Variants in MKLN1 observed in about 807,000 individuals in gnomAD.
MKLN1 encodes muskelin 1, also known as muskelin.
Under a neutral mutation model 99.0 loss-of-function variants are expected in MKLN1, and 18 were observed. The observed-to-expected ratio is 0.18, with a 90% CI of 0.13 to 0.27. The LOEUF (loss-of-function observed/expected upper bound fraction) is 0.27, where lower values mean the gene tolerates loss of function less well. Among genes scored for constraint, MKLN1 ranks in the 10% least tolerant of loss-of-function variants. The pLI is 1.00. For synonymous variants in MKLN1, 288 were observed against 293.2 expected, an observed-to-expected ratio of 0.98 and a Z score of 0.18; for missense variants, 621 against 875.9, an observed-to-expected ratio of 0.71 and a Z score of 3.67.
chr7:131,241,326 C>T (rs777606140), intron 3 of MKLN1, among the ~76,000 whole-genome samples: 3 of 149,632 alleles, frequency 2.0e-5, no homozygotes, highest in African/African-American at 7.4e-5. Flanking sequence ...TGCAGTGAGC[C>T]GAGATTGCAC....
At chr7:131,147,339 T>A (rs1040379348) in intron 2 of MKLN1, among the ~76,000 whole-genome samples, 4 of 151,902 alleles carry the variant, frequency 2.6e-5, no homozygotes, top group African/African-American at 9.7e-5. Flanking sequence ...ATTATAGGTG[T>A]GAGCCACTGC....
At chr7:131,212,383 A>G (rs1347791978) in intron 3 of MKLN1, among the ~76,000 whole-genome samples, 1 of 152,134 alleles carries the variant, frequency 6.6e-6, no homozygotes, top group Non-Finnish European at 1.5e-5. Flanking sequence ...TCCCTGGGAG[A>G]GGGTGTTTAC....
chr7:131,390,270 T>C (rs1305395329), intron 4 of MKLN1, among the ~76,000 whole-genome samples: 1 of 152,214 alleles, frequency 6.6e-6, no homozygotes, highest in East Asian at 1.9e-4. Context: ...CTATATTCTG[T>C]TTTCTTATAA....
intron 2 of MKLN1, among the ~76,000 whole-genome samples, chr7:131,152,132 G>A (rs1227696858): frequency 2.0e-5 from 3 of 152,132 alleles, no homozygotes; most frequent in Admixed American, 6.6e-5. Context: ...AGCCCAGCCT[G>A]GTCTACATAG....
At chr7:131,278,114 C>T (rs1798000538) in intron 3 of MKLN1, among the ~76,000 whole-genome samples, 1 of 152,062 alleles carries the variant, frequency 6.6e-6, no homozygotes, top group South Asian at 2.1e-4. Context: ...GTGATCTCAG[C>T]TCACTGCAAC....
At chr7:131,208,633 T>A (rs1271280870) in intron 3 of MKLN1, among the ~76,000 whole-genome samples, 1 of 152,130 alleles carries the variant, frequency 6.6e-6, no homozygotes, top group Non-Finnish European at 1.5e-5. Context: ...ACTGGTAATA[T>A]GTTACAGATA....
intron 3 of MKLN1, among the ~76,000 whole-genome samples, chr7:131,281,900 C>T (rs1158122738): frequency 6.6e-6 from 1 of 152,070 alleles, no homozygotes; most frequent in African/African-American, 2.4e-5. Context: ...CCTTGAACTC[C>T]TGGCCTCAAG....
At chr7:131,412,860 T>G (rs1412511398) in intron 7 of MKLN1, among the ~76,000 whole-genome samples, 2 of 152,228 alleles carry the variant, frequency 1.3e-5, no homozygotes, top group Non-Finnish European at 2.9e-5. Context: ...TTTCTCCTGA[T>G]AGTATTGCAT....
intron 1 of MKLN1, among the ~76,000 whole-genome samples, chr7:131,366,187 T>G (rs1337713215): frequency 6.6e-6 from 1 of 152,164 alleles, no homozygotes; most frequent in Non-Finnish European, 1.5e-5. Context: ...ATCTAACCAA[T>G]TAGTGACCAA....
chr7:131,406,853 C>A lies in MKLN1; in HGVS notation c.704-4453C>A, dbSNP rs118189673. Among the ~76,000 whole-genome samples the A allele has an allele frequency of 6.6e-3, 1,011 of 152,170 alleles. 4 individuals are homozygous for A. Among genetic ancestry groups the A allele is most frequent in the Middle Eastern group, 0.01 (3 of 294 alleles). ...TTGAGAGGTGTGCTATCATTTTCAA[C>A]TGCCATTTTTTAATATAATCTTTTT... On this transcript the variant is annotated intron_variant, in intron 6 of 17. Coordinates refer to ENST00000352689, the MANE Select transcript of MKLN1 (RefSeq NM_013255.5).
chr7:131,450,636 T>C (rs1487990525), intron 12 of MKLN1, among the ~76,000 whole-genome samples: 2 of 152,182 alleles, frequency 1.3e-5, no homozygotes, highest in African/African-American at 2.4e-5. Flanking sequence ...TCTTTATAGA[T>C]AGTGTGTTTT....
At chr7:131,167,335 T>A (rs889324766) in intron 2 of MKLN1, among the ~76,000 whole-genome samples, 1 of 152,096 alleles carries the variant, frequency 6.6e-6, no homozygotes, top group African/African-American at 2.4e-5. Context: ...ACGTTTTATG[T>A]TTTGAAAATT....
chr7:131,307,731 GTATC>G (rs578138255), intron 3 of MKLN1, among the ~76,000 whole-genome samples: 121 of 152,262 alleles, frequency 7.9e-4, no homozygotes, highest in Non-Finnish European at 7.9e-4. Context: ...AACCCCTATT[GTATC>G]TTGGAAGTAA....
At position 131,207,998 on chromosome 7, in the gene MKLN1, C is replaced by T. The variant is rs73489295; in HGVS notation, c.-179+5024C>T. ...GTTTCCCCCTTCTTAAAGTCCTGGC[C>T]AAAAATGGAGGGAGGGGGGAGATTT... On this transcript the variant is annotated intron_variant, in intron 3 of 7. Coordinates refer to the MKLN1 transcript ENST00000416992. Among the ~76,000 whole-genome samples the T allele has an allele frequency of 2.5e-3, 387 of 152,204 alleles. 1 individual carries two copies. Among genetic ancestry groups the T allele is most frequent in the African/African-American group, 8.4e-3 (347 of 41,514 alleles).
At chr7:131,374,058 A>AT (rs1192592759) in intron 1 of MKLN1, among the ~76,000 whole-genome samples, 3 of 151,998 alleles carry the variant, frequency 2.0e-5, no homozygotes, top group Admixed American at 1.3e-4. Flanking sequence ...TACCACTTAA[A>AT]TTTTTTTAGC....
At position 131,437,776 on chromosome 7, in the gene MKLN1, T is replaced by C; in HGVS notation, c.961-9T>C. 1 of 1,591,360 alleles carries C rather than the reference T, an allele frequency of 6.3e-7. No homozygotes were observed. The highest frequency in any genetic ancestry group is 8.6e-7 in the Non-Finnish European group (1 of 1,160,266). On this transcript the variant is annotated splice_polypyrimidine_tract_variant and intron_variant, in intron 9 of 17. Coordinates refer to ENST00000352689, the MANE Select transcript of MKLN1 (RefSeq NM_013255.5). ...TGTTTATTTATTTATTTTCTCTCTC[T>C]CTCTACAGAATGGTCCTAGTGCCAG...
Position 131,366,441 on chromosome 7 carries a change from C to G in MKLN1, c.99-8983C>G, listed in dbSNP as rs1349067888. Reference sequence around the variant, plus strand: ...GGGGCTTACTGATAAGCATCCTGACCAGCCCTTATCAGAAAAAATGTTAAA... The same window carrying G: ...GGGGCTTACTGATAAGCATCCTGACGAGCCCTTATCAGAAAAAATGTTAAA... On this transcript the variant is annotated intron_variant, in intron 1 of 17. Coordinates refer to ENST00000352689, the MANE Select transcript of MKLN1 (RefSeq NM_013255.5). Among the ~76,000 whole-genome samples the G allele has an allele frequency of 2.6e-5, 4 of 152,064 alleles. No individual in the cohort carries two copies. In the East Asian group the frequency reaches 7.7e-4, roughly 29 times the overall value.
At chr7:131,350,915 A>G (rs1799701597) in intron 1 of MKLN1, among the ~76,000 whole-genome samples, 1 of 152,226 alleles carries the variant, frequency 6.6e-6, no homozygotes, top group Admixed American at 6.5e-5. Flanking sequence ...TTATGGCCAC[A>G]ATGTCATTAT....
chr7:131,400,736 G>T (rs1011531864), intron 6 of MKLN1, among the ~76,000 whole-genome samples: 2 of 151,796 alleles, frequency 1.3e-5, no homozygotes, highest in African/African-American at 2.4e-5. Context: ...TATTTTAAAG[G>T]TCTCTTTAGT....
Sources: gnomAD v4.1 joint callset for allele counts (sites outside exome capture counted in the v4.1 genomes callset) on GRCh38, gnomAD v4.1.1 for gene constraint, MANE v1.5 for transcripts, NCBI Gene and HGNC (gene_info 2026-07-23, HGNC 2026-07-21) for gene names.